The following EPG5 variants were observed in gnomAD, a reference collection of about 807,000 sequenced individuals.
EPG5 encodes the protein ectopic P-granules 5 autophagy tethering factor, also known as ectopic P granules protein 5 homolog.
In EPG5, 159 loss-of-function variants were observed where a neutral mutation model predicts 302.7. The ratio of observed to expected loss-of-function variants is 0.53; its 90% confidence interval spans 0.46 to 0.60. The LOEUF (loss-of-function observed/expected upper bound fraction) is 0.60, where lower values mean the gene tolerates loss of function less well. Ranked by LOEUF, EPG5 falls within the 20% of genes least tolerant of loss-of-function variation. EPG5 has a pLI of 0.00. For missense variants in EPG5, 2,896 were observed against 3,092.4 expected, an observed-to-expected ratio of 0.94 and a Z score of 1.51; for synonymous variants, 1,158 against 1,136.8, an observed-to-expected ratio of 1.02 and a Z score of -0.37.
chr18:45,960,222 C>T (rs2051118946), intron 1 of EPG5, among the ~76,000 whole-genome samples: 1 of 152,152 alleles, frequency 6.6e-6, no homozygotes, highest in Non-Finnish European at 1.5e-5. Flanking sequence ...TGTATCAATT[C>T]CATGTGTATC....
rs1046289396 is a variant in EPG5, at chr18:45,915,744, G to C, written c.3583-123C>G. On this transcript the variant is annotated intron_variant, in intron 19 of 43. Transcript: ENST00000282041. ...GATTCTGATAAGACAGAGATTTCAA[G>C]GATGAGTCCACCAGCAGCAATAGTC... 5 of 785,704 alleles carry C rather than the reference G, an allele frequency of 6.4e-6. No individual in the cohort carries two copies. In the African/African-American group the frequency reaches 8.7e-5, roughly 14 times the overall value. The allele number at this position is 785,704 out of a possible 1,614,324, so 48.7% of individuals were successfully genotyped here.
chr18:45,876,342 G>T lies in EPG5; in HGVS notation c.5943C>A (p.Ser1981Arg), dbSNP rs763521313. The T allele has an allele frequency of 1.2e-6, 2 of 1,612,138 alleles. No individual in the cohort carries two copies. The highest frequency in any genetic ancestry group is 2.2e-5 in the East Asian group (1 of 44,868). Reference sequence around the variant, plus strand: ...GCCAGGGGTAATGCCGCTGTTGGCTGCTTTAAAGAAAAGAAGCACACACTT... The same window carrying T: ...GCCAGGGGTAATGCCGCTGTTGGCTTCTTTAAAGAAAAGAAGCACACACTT... ...PWILVLEDNE[S>R]SQQRHYPWLE... The change falls in exon 35 of 44, where the codon AGC becomes AGA. Residue 1981 changes from serine to arginine, a missense_variant and splice_region_variant. Around this residue, in one of 5 missense-constraint regions of EPG5, gnomAD observed 32 missense variants for 58.4 expected, o/e 0.55. Coordinates refer to ENST00000282041, the MANE Select transcript of EPG5 (RefSeq NM_020964.3).
chr18:45,961,524 T>G (rs1271409216), intron 1 of EPG5, among the ~76,000 whole-genome samples: 1 of 152,136 alleles, frequency 6.6e-6, no homozygotes, highest in Non-Finnish European at 1.5e-5. Flanking sequence ...CATAGTGAAC[T>G]CTCTCTTCCC....
At chr18:45,828,020 C>T in the EPG5 span, among the ~76,000 whole-genome samples, 1 of 152,202 alleles carries the variant, frequency 6.6e-6, no homozygotes, top group Non-Finnish European at 1.5e-5. Flanking sequence ...CAGTTAGAAC[C>T]AGGGTGGTCC....
the EPG5 span, among the ~76,000 whole-genome samples, chr18:45,822,673 T>C: frequency 2.0e-5 from 3 of 152,204 alleles, no homozygotes; most frequent in South Asian, 6.2e-4. Context: ...TGAACAAATA[T>C]GTGTTGATTA....
chr18:45,838,655 T>C, the EPG5 span: 3 of 1,458,480 alleles, frequency 2.1e-6, no homozygotes, highest in Non-Finnish European at 9.0e-7. Flanking sequence ...CCTCCGGCTC[T>C]GGCGTCCAAA....
At chr18:45,871,043 C>A (rs2048861890) in intron 35 of EPG5, among the ~76,000 whole-genome samples, 1 of 152,148 alleles carries the variant, frequency 6.6e-6, no homozygotes, top group Admixed American at 6.5e-5. Context: ...CAGCTTGTTG[C>A]CCTCAGTATG....
chr18:45,888,240 G>A (rs2049260963), intron 28 of EPG5, among the ~76,000 whole-genome samples: 2 of 150,898 alleles, frequency 1.3e-5, no homozygotes, highest in African/African-American at 4.9e-5. Context: ...TGAGTAGCTG[G>A]GATTACAGGC....
chr18:45,963,629 G>A (rs8086618), intron 1 of EPG5, among the ~76,000 whole-genome samples: 9 of 151,954 alleles, frequency 5.9e-5, no homozygotes, highest in East Asian at 1.9e-4. Context: ...AGTGAGACTC[G>A]GTCTCAAAAA....
At chr18:45,883,903 T>G (rs1298445014) in intron 30 of EPG5, among the ~76,000 whole-genome samples, 1 of 148,716 alleles carries the variant, frequency 6.7e-6, no homozygotes, top group Non-Finnish European at 1.5e-5. Flanking sequence ...TACTAAGATA[T>G]TAATATAAAA....
rs535519737 is a variant in EPG5, at chr18:45,900,848, G to C, written c.4646+148C>G. The C allele has an allele frequency of 8.5e-4, 536 of 627,570 alleles. 1 individual carries two copies. The highest frequency in any genetic ancestry group is 1.6e-3 in the South Asian group (53 of 32,276). The allele number at this position is 627,570 out of a possible 1,614,324, so 38.9% of individuals were successfully genotyped here. On this transcript the variant is annotated intron_variant, in intron 26 of 43. Coordinates refer to ENST00000282041, the MANE Select transcript of EPG5 (RefSeq NM_020964.3). ...GAAATTATAAGACTTGTCACAACTT[G>C]GTTAACCAAGTGAACCGTCTGGGCC...
chr18:45,935,452 G>C (rs2050500085), intron 10 of EPG5, among the ~76,000 whole-genome samples: 1 of 152,208 alleles, frequency 6.6e-6, no homozygotes, highest in African/African-American at 2.4e-5. Flanking sequence ...TGAGGCAGGA[G>C]AATCACTTGA....
chr18:45,933,417 G>A (rs985625235), intron 11 of EPG5, among the ~76,000 whole-genome samples: 6 of 152,190 alleles, frequency 3.9e-5, no homozygotes, highest in South Asian at 2.1e-4. Flanking sequence ...GGTGGCTCAC[G>A]CCTATTATCC....
At chr18:45,831,818 G>T in the EPG5 span, among the ~76,000 whole-genome samples, 1 of 151,496 alleles carries the variant, frequency 6.6e-6, no homozygotes, top group South Asian at 2.1e-4. Flanking sequence ...GCTCACTGCA[G>T]CCTCCGCCTC....
At chr18:45,925,227 T>C (rs2050241969) in intron 14 of EPG5, among the ~76,000 whole-genome samples, 1 of 152,108 alleles carries the variant, frequency 6.6e-6, no homozygotes, top group African/African-American at 2.4e-5. Flanking sequence ...TTCCAGCACT[T>C]TGGGAAGCCG....
intron 1 of EPG5, among the ~76,000 whole-genome samples, chr18:45,962,739 C>A (rs2051176481): frequency 2.0e-5 from 3 of 152,118 alleles, no homozygotes. Flanking sequence ...AGACTTTGAA[C>A]CAGTTTGTGG....
At position 45,936,526 on chromosome 18, in the gene EPG5, G is replaced by A. The variant is rs770457203; in HGVS notation, c.2100-1560C>T. ...GCAAATCACTTGAGGTCAGGAGTTC[G>A]AGACCAGCTTGGCCAATATAGTGAA... is the stretch of plus-strand genomic sequence containing the variant. On this transcript the variant is annotated intron_variant, in intron 10 of 43. Transcript: ENST00000282041. Among the ~76,000 whole-genome samples the A allele has an allele frequency of 2.6e-5, 4 of 152,080 alleles. 1 individual carries two copies. Among genetic ancestry groups the A allele is most frequent in the South Asian group, 4.1e-4 (2 of 4,822 alleles).
At chr18:45,931,599 C>T (rs2050397863) in intron 11 of EPG5, among the ~76,000 whole-genome samples, 1 of 152,108 alleles carries the variant, frequency 6.6e-6, no homozygotes, top group African/African-American at 2.4e-5. Context: ...TTTCAGAGGC[C>T]AAAGATGGGC....
At chr18:45,887,651 C>T in intron 29 of EPG5, 100 bp downstream of exon 29, 1 of 1,046,986 alleles carries the variant, frequency 9.6e-7, no homozygotes, top group Non-Finnish European at 1.3e-6. Context: ...GACTCTGAAC[C>T]TGTAATATAA....
Sources: allele counts gnomAD v4.1 joint callset (sites outside exome capture counted in the v4.1 genomes callset), GRCh38; gene constraint gnomAD v4.1.1; regional missense constraint gnomAD v4.1.1; transcripts MANE v1.5; gene names NCBI Gene and HGNC (gene_info 2026-07-23, HGNC 2026-07-21).